The following PPFIBP1 variants were observed in gnomAD, a reference collection of about 807,000 sequenced individuals.
PPFIBP1 encodes PPFIB scaffold protein 1, also known as liprin-beta-1.
Under a neutral mutation model 137.8 loss-of-function variants are expected in PPFIBP1, and 112 were observed. The ratio of observed to expected loss-of-function variants is 0.81; its 90% CI spans 0.70 to 0.95. The LOEUF is 0.95. Ranked by LOEUF, PPFIBP1 falls within the 40% of genes least tolerant of loss-of-function variation. The pLI, the probability that PPFIBP1 is intolerant of heterozygous loss-of-function variation, is 0.00. For synonymous variants in PPFIBP1, 378 were observed against 417.3 expected (o/e 0.91, Z 1.15); for missense variants, 1,083 against 1,196.6 (o/e 0.91, Z 1.40).
At chr12:27,579,434 G>A (rs375629898) in intron 2 of PPFIBP1, among the ~76,000 whole-genome samples, 1 of 152,312 alleles carries the variant, frequency 6.6e-6, no homozygotes, top group East Asian at 1.9e-4. Flanking sequence ...GCACCTCAGA[G>A]CCTTCCTCCC....
chr12:27,622,272 C>CT (rs879400049), intron 2 of PPFIBP1, among the ~76,000 whole-genome samples: 1 of 152,128 alleles, frequency 6.6e-6, no homozygotes, highest in Non-Finnish European at 1.5e-5. Context: ...GTTTGCCCCC[C>CT]CAGAGCAGTG....
intron 1 of PPFIBP1, among the ~76,000 whole-genome samples, chr12:27,545,289 C>T (rs369353329): frequency 3.3e-5 from 5 of 152,162 alleles, no homozygotes; most frequent in East Asian, 1.9e-4. Flanking sequence ...ATGTAGATGA[C>T]GGGTTGATGG....
intron 2 of PPFIBP1, among the ~76,000 whole-genome samples, chr12:27,601,231 G>A (rs1343132979): frequency 6.6e-6 from 1 of 152,188 alleles, no homozygotes; most frequent in East Asian, 1.9e-4. Flanking sequence ...CAGAAAGAAG[G>A]AAGTTGCCTT....
At chr12:27,593,702 G>A (rs373409308) in intron 2 of PPFIBP1, 51 of 595,434 alleles carry the variant, frequency 8.6e-5, no homozygotes, top group Non-Finnish European at 1.1e-4. Context: ...TTATCCACAG[G>A]TTGGCTCCAT....
chr12:27,689,495 C>A (rs775417118), intron 27 of PPFIBP1, among the ~76,000 whole-genome samples: 4 of 151,874 alleles, frequency 2.6e-5, no homozygotes, highest in Non-Finnish European at 5.9e-5. Flanking sequence ...ACAGCAGGGT[C>A]GCAGTAACAA....
At chr12:27,589,782 T>G (rs2052265115) in intron 2 of PPFIBP1, among the ~76,000 whole-genome samples, 1 of 152,254 alleles carries the variant, frequency 6.6e-6, no homozygotes, top group Admixed American at 6.5e-5. Flanking sequence ...ATAAAACTGG[T>G]TGCAAGTCTT....
chr12:27,598,289 G>A (rs1334726331), intron 2 of PPFIBP1, among the ~76,000 whole-genome samples: 32 of 152,190 alleles, frequency 2.1e-4, no homozygotes, highest in Non-Finnish European at 1.2e-4. Flanking sequence ...AGGCAAAGGA[G>A]CAGCAAAGTC....
At chr12:27,541,845 C>A (rs1417960360) in intron 1 of PPFIBP1, among the ~76,000 whole-genome samples, 2 of 152,114 alleles carry the variant, frequency 1.3e-5, no homozygotes, top group Non-Finnish European at 2.9e-5. Flanking sequence ...GCTTCCGACT[C>A]CAGGGCTGAC....
intron 4 of PPFIBP1, among the ~76,000 whole-genome samples, chr12:27,641,451 C>T (rs570140716): frequency 2.6e-5 from 4 of 152,288 alleles, no homozygotes; most frequent in Middle Eastern, 3.4e-3. Flanking sequence ...GTGGGTGAGA[C>T]TCCTACCTTC....
At chr12:27,590,184 T>TG (rs2052321845) in intron 2 of PPFIBP1, among the ~76,000 whole-genome samples, 1 of 139,864 alleles carries the variant, frequency 7.1e-6, no homozygotes, top group African/African-American at 2.7e-5. Context: ...TTGTTTTTTT[T>TG]GTTTTTTTTG....
At chr12:27,536,893 G>A (rs1945084023) in intron 1 of PPFIBP1, among the ~76,000 whole-genome samples, 1 of 152,144 alleles carries the variant, frequency 6.6e-6, no homozygotes, top group Non-Finnish European at 1.5e-5. Flanking sequence ...TCACTTTTGA[G>A]GCTAAGTTTC....
intron 16 of PPFIBP1, 21 bp downstream of exon 16, chr12:27,673,848 T>G (rs568012199): frequency 2.2e-4 from 345 of 1,590,210 alleles, no homozygotes; most frequent in South Asian, 1.1e-3. Context: ...TGTTTTTTGT[T>G]TTTTTTTGTC....
chr12:27,650,221 G>A, intron 7 of PPFIBP1, 80 bp downstream of exon 7: 1 of 1,281,894 alleles, frequency 7.8e-7, no homozygotes, highest in Non-Finnish European at 1.0e-6. Flanking sequence ...CATTCCTAGG[G>A]CAAAGTTGAA....
chr12:27,645,335 A>C (rs190133920), intron 4 of PPFIBP1, among the ~76,000 whole-genome samples: 1 of 152,302 alleles, frequency 6.6e-6, no homozygotes, highest in African/African-American at 2.4e-5. Context: ...TGTCTTTTTC[A>C]TGACTTGCAT....
intron 2 of PPFIBP1, among the ~76,000 whole-genome samples, chr12:27,598,865 C>T (rs2053634525): frequency 6.6e-6 from 1 of 152,068 alleles, no homozygotes. Context: ...TCTAGCTTCC[C>T]TTGGATTACA....
chr12:27,603,089 A>G (rs1376331234), intron 2 of PPFIBP1, among the ~76,000 whole-genome samples: 1 of 152,196 alleles, frequency 6.6e-6, no homozygotes, highest in Non-Finnish European at 1.5e-5. Flanking sequence ...TTCATGCAAC[A>G]CCAAATACAG....
At position 27,561,729 on chromosome 12, in the gene PPFIBP1, C is replaced by T. The variant is rs147510228; in HGVS notation, c.-123-16423C>T. ...TGTAGTTCTCCGAGCACTCCTCTGC[C>T]TCTGCACATTTGCACTTGCTCTTCT... On this transcript the variant is annotated intron_variant, in intron 1 of 29. Transcript: ENST00000228425. Among the ~76,000 whole-genome samples the T allele has an allele frequency of 3.1e-3, 469 of 152,220 alleles. 2 individuals are homozygous for T. Among genetic ancestry groups the T allele is most frequent in the Admixed American group, 5.5e-3 (84 of 15,288 alleles).
In PPFIBP1 at chr12:27,647,667, T is replaced by G. The variant is rs1308336742; in HGVS notation, c.358-62T>G. 5 of 964,994 alleles carry G rather than the reference T, an allele frequency of 5.2e-6. No homozygotes were observed. In the East Asian group the frequency reaches 1.4e-4, roughly 26 times the overall value. 59.8% of individuals were successfully genotyped at this position (964,994 alleles called of 1,614,324 possible). On this transcript the variant is annotated intron_variant, in intron 5 of 29. Transcript: ENST00000228425. ...CCTTTTTTTGTTCCATTTAGAGAAATAACGTATGCAGTGGGACCCAAATTC... is the reference window on the plus strand; with the variant it reads ...CCTTTTTTTGTTCCATTTAGAGAAAGAACGTATGCAGTGGGACCCAAATTC...
intron 24 of PPFIBP1, among the ~76,000 whole-genome samples, chr12:27,684,920 G>C (rs944570877): frequency 1.3e-5 from 2 of 151,942 alleles, no homozygotes; most frequent in Non-Finnish European, 2.9e-5. Context: ...AGAAATTAAC[G>C]TAGATGTTAA....
Sources: gnomAD v4.1 joint callset for allele counts (sites outside exome capture counted in the v4.1 genomes callset) on GRCh38, gnomAD v4.1.1 for gene constraint, MANE v1.5 for transcripts, NCBI Gene and HGNC (gene_info 2026-07-23, HGNC 2026-07-21) for gene names.